CNTN4: variants seen among roughly 807,000 people sequenced by gnomAD.
CNTN4 encodes contactin-4.
In CNTN4, 77 loss-of-function variants were observed where a neutral mutation model predicts 122.5. The ratio of observed to expected loss-of-function variants is 0.63; its 90% CI spans 0.52 to 0.76. The LOEUF (loss-of-function observed/expected upper bound fraction) is 0.76, where lower values mean the gene tolerates loss of function less well. CNTN4 is among the 30% of genes least tolerant of loss of function. The pLI is 0.00. For missense variants in CNTN4, 1,256 were observed against 1,259.1 expected, an observed-to-expected ratio of 1.00 and a Z score of 0.04; for synonymous variants, 512 against 447.0, an observed-to-expected ratio of 1.15 and a Z score of -1.83.
chr3:2,832,875 A>G (rs1446164086), intron 7 of CNTN4, among the ~76,000 whole-genome samples: 1 of 152,226 alleles, frequency 6.6e-6, no homozygotes, highest in Admixed American at 6.5e-5. Flanking sequence ...TAGCTGGTGA[A>G]ACCAAGGCTG....
intron 4 of CNTN4, among the ~76,000 whole-genome samples, chr3:2,643,238 A>T (rs1387964579): frequency 6.6e-6 from 1 of 152,124 alleles, no homozygotes. Flanking sequence ...CAGTGGTGCT[A>T]TCTCAGCTCA....
At chr3:2,921,358 A>G (rs2094428442) in intron 12 of CNTN4, among the ~76,000 whole-genome samples, 1 of 152,190 alleles carries the variant, frequency 6.6e-6, no homozygotes, top group Non-Finnish European at 1.5e-5. Flanking sequence ...TGATTTTTGA[A>G]TCAGCCATTC....
At position 3,050,865 on chromosome 3, in the gene CNTN4, A is replaced by G. The variant is rs139956016; in HGVS notation, c.2812-2942A>G. Reference sequence around the variant, plus strand: ...TCATGAGACCGGGCAATTGCTTCACATCTCCACATCTCAAGTTCTCATCTT... The same window carrying G: ...TCATGAGACCGGGCAATTGCTTCACGTCTCCACATCTCAAGTTCTCATCTT... On this transcript the variant is annotated intron_variant, in intron 23 of 24. Coordinates refer to ENST00000418658, the MANE Select transcript of CNTN4 (RefSeq NM_175607.3). 3.4e-3 allele frequency among the ~76,000 whole-genome samples: 523 copies of G among 151,788 alleles called. 1 individual carries two copies. The highest frequency in any genetic ancestry group is 0.012 in the African/African-American group (483 of 41,324).
chr3:2,213,130 A>C (rs1437025338), intron 2 of CNTN4, among the ~76,000 whole-genome samples: 1 of 152,170 alleles, frequency 6.6e-6, no homozygotes, highest in East Asian at 1.9e-4. Flanking sequence ...TACTGTTTTA[A>C]AGTATCAGAA....
At chr3:2,518,479 G>T (rs1028370409) in intron 3 of CNTN4, among the ~76,000 whole-genome samples, 2 of 152,106 alleles carry the variant, frequency 1.3e-5, no homozygotes, top group Non-Finnish European at 2.9e-5. Flanking sequence ...TTAGGAACAT[G>T]TCTGCAAGTC....
At chr3:3,051,695 T>G (rs1701290703) in intron 23 of CNTN4, among the ~76,000 whole-genome samples, 1 of 152,212 alleles carries the variant, frequency 6.6e-6, no homozygotes, top group Non-Finnish European at 1.5e-5. Flanking sequence ...TATGAATCTT[T>G]CTACCTTAAG....
At chr3:2,939,403 G>A (rs905586534) in intron 13 of CNTN4, among the ~76,000 whole-genome samples, 23 of 152,094 alleles carry the variant, frequency 1.5e-4, no homozygotes, top group African/African-American at 5.5e-4. Context: ...GGGTGTTAAT[G>A]TACACAATTC....
intron 2 of CNTN4, among the ~76,000 whole-genome samples, chr3:2,288,927 A>T (rs961076560): frequency 6.6e-6 from 1 of 152,154 alleles, no homozygotes; most frequent in Non-Finnish European, 1.5e-5. Flanking sequence ...ATAGAGTTAA[A>T]TGAAGGCATT....
rs796211781 is a variant in CNTN4, at chr3:2,534,828, CTGCTGCTGT to C, written c.-88-36582_-88-36574del. Among the ~76,000 whole-genome samples the C allele has an allele frequency of 7.7e-4, 92 of 119,770 alleles. 4 individuals carry two copies. Among genetic ancestry groups the C allele is most frequent in the African/African-American group, 2.4e-3 (82 of 33,642 alleles). 78.6% of individuals were successfully genotyped at this position (119,770 alleles called of 152,430 possible). On this transcript the variant is annotated intron_variant, in intron 3 of 24. Transcript: ENST00000418658. ...AATGAGGGAACAATGTATGCTGCTG[CTGCTGCTGT>C]TGCTGTTATTGTTGCTGCGGTTGTT...
At chr3:2,810,634 A>T (rs1384728019) in intron 6 of CNTN4, among the ~76,000 whole-genome samples, 1 of 152,074 alleles carries the variant, frequency 6.6e-6, no homozygotes, top group Admixed American at 6.6e-5. Flanking sequence ...CATAGATTAA[A>T]TTTTCCTTTG....
chr3:2,237,538 AAG>A (rs1369927672), intron 2 of CNTN4, among the ~76,000 whole-genome samples: 1 of 152,294 alleles, frequency 6.6e-6, no homozygotes, highest in East Asian at 1.9e-4. Flanking sequence ...TGAGAGTAAA[AAG>A]AGAGAGGGAT....
intron 3 of CNTN4, among the ~76,000 whole-genome samples, chr3:2,342,233 T>C (rs2044236375): frequency 1.3e-5 from 2 of 152,324 alleles, no homozygotes; most frequent in East Asian, 1.9e-4. Flanking sequence ...ATATTCTTCA[T>C]AGGCTTGGGT....
At chr3:2,590,120 C>T (rs1199371811) in intron 4 of CNTN4, among the ~76,000 whole-genome samples, 1 of 152,218 alleles carries the variant, frequency 6.6e-6, no homozygotes, top group Non-Finnish European at 1.5e-5. Context: ...TTCTTACCTA[C>T]ACAACATAAT....
At chr3:2,371,375 A>G (rs1316096751) in intron 3 of CNTN4, among the ~76,000 whole-genome samples, 1 of 151,942 alleles carries the variant, frequency 6.6e-6, no homozygotes, top group Non-Finnish European at 1.5e-5. Context: ...TACCTTTAAC[A>G]CCCTATTTAA....
At chr3:2,856,179 A>G (rs964851145) in intron 7 of CNTN4, among the ~76,000 whole-genome samples, 7 of 152,204 alleles carry the variant, frequency 4.6e-5, no homozygotes, top group African/African-American at 1.7e-4. Flanking sequence ...TTCTCTGGCC[A>G]TATGTATTCT....
intron 3 of CNTN4, among the ~76,000 whole-genome samples, chr3:2,444,426 C>T (rs917120168): frequency 5.3e-5 from 8 of 151,866 alleles, no homozygotes; most frequent in Non-Finnish European, 1.0e-4. Context: ...GGAAGATGGG[C>T]GAGAACTCTT....
In CNTN4 at chr3:3,026,018, C is replaced by A; in HGVS notation, c.1487-84C>A. ...AAAGCAAAATTACTTAGTATTTCAT[C>A]CTGCTCTTGGAGTCTACATTGTATT... On this transcript the variant is annotated intron_variant, in intron 14 of 24. Coordinates refer to ENST00000418658, the MANE Select transcript of CNTN4 (RefSeq NM_175607.3). 1.1e-5 allele frequency: 14 copies of A among 1,307,894 alleles called. No individual in the cohort carries two copies. In the South Asian group the frequency reaches 1.3e-4, roughly 13 times the overall value. The allele number at this position is 1,307,894 out of a possible 1,614,324, so 81.0% of individuals were successfully genotyped here. A position where few individuals can be genotyped will look rare whatever the true frequency, so the allele number is the denominator to read the frequency against.
At chr3:2,494,775 T>C (rs1445505425) in intron 3 of CNTN4, among the ~76,000 whole-genome samples, 1 of 152,160 alleles carries the variant, frequency 6.6e-6, no homozygotes, top group Non-Finnish European at 1.5e-5. Context: ...TATACCAGAG[T>C]CTGGTTGTAA....
chr3:2,456,839 A>C (rs1360183253), intron 3 of CNTN4, among the ~76,000 whole-genome samples: 1 of 152,140 alleles, frequency 6.6e-6, no homozygotes, highest in Non-Finnish European at 1.5e-5. Context: ...ATTCATACAC[A>C]AGTATTTGCT....
Sources: gnomAD v4.1 joint callset for allele counts (sites outside exome capture counted in the v4.1 genomes callset) on GRCh38, gnomAD v4.1.1 for gene constraint, MANE v1.5 for transcripts, NCBI Gene and HGNC (gene_info 2026-07-23, HGNC 2026-07-21) for gene names.